Variants in SEMA5A observed in about 807,000 individuals in gnomAD.
The protein encoded by SEMA5A is semaphorin-5A.
SEMA5A carries 55 observed loss-of-function variants against 135.5 expected under a neutral mutation model. That is an observed-to-expected ratio of 0.41 (90% confidence interval 0.33 to 0.51). The LOEUF (loss-of-function observed/expected upper bound fraction) is 0.51. SEMA5A is among the 20% of genes least tolerant of loss of function. SEMA5A has a pLI of 0.37. For missense variants in SEMA5A, 1,290 were observed against 1,419.9 expected (o/e 0.91, Z 1.47); for synonymous variants, 580 against 546.5 (o/e 1.06, Z -0.85).
In SEMA5A at chr5:9,035,754, A is replaced by G. The variant is rs1007119435; in HGVS notation, c.*7143T>C. On this transcript the variant is annotated 3_prime_UTR_variant, in exon 23 of 23. Transcript: ENST00000382496. ...AGTGTGGTGTGTCCATGGCCCCCTT[A>G]CAAAGGACCCAGCAATCTACAAGTG... is the stretch of plus-strand genomic sequence containing the variant. The G allele has an allele frequency of 2.0e-5, 3 of 152,250 alleles. No homozygotes were observed. Among genetic ancestry groups the G allele is most frequent in the South Asian group, 2.1e-4 (1 of 4,824 alleles). The allele number at this position is 152,250 out of a possible 1,614,324, so 9.4% of individuals were successfully genotyped here.
At chr5:9,291,762 T>A (rs1229357236) in intron 5 of SEMA5A, among the ~76,000 whole-genome samples, 1 of 86,096 alleles carries the variant, frequency 1.2e-5, no homozygotes, top group Non-Finnish European at 2.2e-5. Flanking sequence ...AGCCAAGTTC[T>A]TTTTTTTTTT....
At chr5:9,154,741 A>C in intron 11 of SEMA5A, 46 bp from the exon 12 acceptor site, 113 of 1,516,158 alleles carry the variant, frequency 7.5e-5, no homozygotes, top group Non-Finnish European at 9.5e-5. Context: ...AGAGGGTCTC[A>C]CAAACCAATC....
At chr5:9,488,467 A>G (rs777066655) in intron 1 of SEMA5A, among the ~76,000 whole-genome samples, 1 of 152,202 alleles carries the variant, frequency 6.6e-6, no homozygotes, top group Non-Finnish European at 1.5e-5. Flanking sequence ...ATTTTGAACT[A>G]TCATATTCTA....
chr5:9,384,653 TAGATAGATATAG>T lies in SEMA5A; in HGVS notation c.-77-4642_-77-4631del, dbSNP rs1327548897. ...ATAGATAGATAGATAGATAGATAGA[TAGATAGATATAG>T]ATAGATAGATATAGATAGATAGATA... On this transcript the variant is annotated intron_variant, in intron 2 of 22. Coordinates refer to ENST00000382496, the MANE Select transcript of SEMA5A (RefSeq NM_003966.3). Among the ~76,000 whole-genome samples, 52 of 130,624 alleles carry T rather than the reference TAGATAGATATAG, an allele frequency of 4.0e-4. 3 individuals carry two copies. The highest frequency in any genetic ancestry group is 7.5e-4 in the Non-Finnish European group (45 of 60,106). The allele number at this position is 130,624 out of a possible 152,430, so 85.7% of individuals were successfully genotyped here. A position where few individuals can be genotyped will look rare whatever the true frequency, so the allele number is the denominator to read the frequency against.
intron 7 of SEMA5A, among the ~76,000 whole-genome samples, chr5:9,225,261 T>C (rs544472295): frequency 6.6e-6 from 1 of 151,666 alleles, no homozygotes; most frequent in African/African-American, 2.4e-5. Context: ...AATAAAGAAT[T>C]ATGTATAATT....
intron 15 of SEMA5A, 26 bp downstream of exon 15, chr5:9,118,972 G>T: frequency 6.2e-7 from 1 of 1,607,876 alleles, no homozygotes; most frequent in Non-Finnish European, 8.5e-7. Flanking sequence ...GAGGCTGGCG[G>T]TGCTGGCAGC....
chr5:9,433,208 A>G (rs2135074), intron 2 of SEMA5A, among the ~76,000 whole-genome samples: 80,615 of 151,968 alleles, frequency 0.53, 22,509 homozygotes, highest in Middle Eastern at 0.66. Context: ...AAGCAAAACT[A>G]TATTTTAAAT....
chr5:9,113,311 A>C (rs1390500665), intron 15 of SEMA5A, among the ~76,000 whole-genome samples: 2 of 152,230 alleles, frequency 1.3e-5, no homozygotes, highest in African/African-American at 4.8e-5. Context: ...AGGAAGCAGA[A>C]TAATTTTGAG....
intron 1 of SEMA5A, among the ~76,000 whole-genome samples, chr5:9,492,712 A>G (rs1380179415): frequency 2.6e-5 from 4 of 152,234 alleles, no homozygotes; most frequent in Non-Finnish European, 5.9e-5. Flanking sequence ...GCAAGCAATG[A>G]AAAGAAATAG....
intron 5 of SEMA5A, among the ~76,000 whole-genome samples, chr5:9,254,431 A>G (rs1005105012): frequency 3.3e-5 from 5 of 152,194 alleles, no homozygotes; most frequent in South Asian, 2.1e-4. Context: ...AGAGAGACGT[A>G]TGCTTGCTGA....
chr5:9,190,291 C>A lies in SEMA5A; in HGVS notation c.1249G>T (p.Val417Phe). The change falls in exon 11 of 23, where the codon GTC becomes TTC. Residue 417 changes from valine to phenylalanine, a missense_variant. Around this residue, in one of 3 missense-constraint regions of SEMA5A, gnomAD observed 1,029 missense variants for 1,086.6 expected, o/e 0.95. Coordinates refer to ENST00000382496, the MANE Select transcript of SEMA5A (RefSeq NM_003966.3). ...VDVVQGREAL[V>F]HIIYLATDYG... is the part of the protein sequence containing the mutation. ...CCTGTGGCCAAATAGATGATGTGGA[C>A]GAGCGCTTCTCTGCCCTGCACCACG... The A allele has an allele frequency of 6.2e-7, 1 of 1,614,010 alleles. No individual in the cohort carries two copies. Among genetic ancestry groups the A allele is most frequent in the Non-Finnish European group, 8.5e-7 (1 of 1,179,998 alleles).
Position 9,190,636 on chromosome 5 carries a change from T to G in SEMA5A, c.1069-165A>C, listed in dbSNP as rs1408052532. On this transcript the variant is annotated intron_variant, in intron 10 of 22. Coordinates refer to ENST00000382496, the MANE Select transcript of SEMA5A (RefSeq NM_003966.3). ...TCCATCCTCCCTGCAGCCCCTATCC[T>G]TAGCATCCTTTTCATGTTAGATTTG... 3.9e-5 allele frequency among the ~76,000 whole-genome samples: 6 copies of G among 152,270 alleles called. No individual in the cohort carries two copies. The East Asian group carries it at 1.2e-3, about 29-fold the overall frequency.
chr5:9,500,072 A>G (rs7706639), intron 1 of SEMA5A, among the ~76,000 whole-genome samples: 8 of 152,232 alleles, frequency 5.3e-5, no homozygotes, highest in African/African-American at 1.4e-4. Context: ...ATATCACCCT[A>G]CAGCGCAACA....
At chr5:9,432,716 C>T (rs1193941937) in intron 2 of SEMA5A, among the ~76,000 whole-genome samples, 2 of 152,182 alleles carry the variant, frequency 1.3e-5, no homozygotes, top group Non-Finnish European at 2.9e-5. Context: ...TACTATTTTA[C>T]ATCAGTGCTC....
intron 4 of SEMA5A, among the ~76,000 whole-genome samples, chr5:9,336,104 G>A (rs1366742853): frequency 6.6e-6 from 1 of 152,180 alleles, no homozygotes; most frequent in African/African-American, 2.4e-5. Flanking sequence ...CTACAAGTGG[G>A]AGTTTACCAA....
intron 1 of SEMA5A, among the ~76,000 whole-genome samples, chr5:9,471,492 G>T (rs1436879331): frequency 6.6e-6 from 1 of 152,156 alleles, no homozygotes; most frequent in Non-Finnish European, 1.5e-5. Flanking sequence ...CCACCAGAAA[G>T]ACTGGAAGTT....
intron 3 of SEMA5A, among the ~76,000 whole-genome samples, chr5:9,338,023 A>G (rs1163527800): frequency 2.0e-5 from 3 of 152,152 alleles, no homozygotes; most frequent in African/African-American, 7.2e-5. Flanking sequence ...CAGCCACCCA[A>G]TAAAGAGCAA....
intron 1 of SEMA5A, among the ~76,000 whole-genome samples, chr5:9,511,662 T>C (rs1242852261): frequency 6.6e-6 from 1 of 152,074 alleles, no homozygotes; most frequent in African/African-American, 2.4e-5. Context: ...ATTGTATATT[T>C]TAAAATTAAA....
At chr5:9,171,650 G>T (rs1297809758) in intron 11 of SEMA5A, among the ~76,000 whole-genome samples, 2 of 152,148 alleles carry the variant, frequency 1.3e-5, no homozygotes, top group African/African-American at 4.8e-5. Context: ...TTATTGGGCA[G>T]CAGGAAAATC....
Sources: gnomAD v4.1 joint callset for allele counts (sites outside exome capture counted in the v4.1 genomes callset) on GRCh38, gnomAD v4.1.1 for gene constraint, gnomAD v4.1.1 regional missense constraint, MANE v1.5 for transcripts, NCBI Gene and HGNC (gene_info 2026-07-23, HGNC 2026-07-21) for gene names.